Variants in KALRN observed in about 807,000 individuals in gnomAD.
KALRN encodes the protein kalirin.
Under a neutral mutation model 353.7 loss-of-function variants are expected in KALRN, and 70 were observed. The ratio of observed to expected loss-of-function variants is 0.20; its 90% CI spans 0.16 to 0.24. KALRN has a LOEUF of 0.24. Ranked by LOEUF, KALRN falls within the 10% of genes least tolerant of loss-of-function variation. The probability of loss-of-function intolerance (pLI) is 1.00; values close to 1 mark genes in which losing one functional copy is unlikely to be tolerated. For missense variants in KALRN, 2,791 were observed against 3,756.7 expected (o/e 0.74, Z 6.72); for synonymous variants, 1,391 against 1,434.8 (o/e 0.97, Z 0.69).
intron 51 of KALRN, among the ~76,000 whole-genome samples, chr3:124,687,078 G>A (rs993378476): frequency 4.6e-5 from 7 of 152,022 alleles, no homozygotes; most frequent in South Asian, 2.1e-4. Flanking sequence ...GCCTCCCAAA[G>A]TGCTGGGATT....
chr3:124,188,889 C>A (rs902157949), intron 1 of KALRN, among the ~76,000 whole-genome samples: 12 of 152,162 alleles, frequency 7.9e-5, no homozygotes, highest in African/African-American at 2.9e-4. Flanking sequence ...TGCAGAGGGG[C>A]CCAGGTAGAT....
intron 34 of KALRN, among the ~76,000 whole-genome samples, chr3:124,591,150 T>C (rs2075731017): frequency 6.6e-6 from 1 of 152,244 alleles, no homozygotes. Flanking sequence ...CAAGGGACTC[T>C]TCTGTCCCAA....
At chr3:124,540,063 C>T (rs1480459074) in intron 33 of KALRN, among the ~76,000 whole-genome samples, 1 of 151,954 alleles carries the variant, frequency 6.6e-6, no homozygotes, top group African/African-American at 2.4e-5. Context: ...GTGCCTGCCA[C>T]CACACCCGGC....
chr3:124,307,025 G>C (rs2077768060), intron 6 of KALRN, among the ~76,000 whole-genome samples: 1 of 151,552 alleles, frequency 6.6e-6, no homozygotes, highest in Admixed American at 6.6e-5. Flanking sequence ...AAAAGCAAGT[G>C]ACCCTTGATG....
intron 1 of KALRN, among the ~76,000 whole-genome samples, chr3:124,087,407 G>A (rs1024982296): frequency 2.1e-4 from 32 of 152,260 alleles, no homozygotes; most frequent in Middle Eastern, 3.4e-3. Context: ...TAGAGAGGAA[G>A]CTATTAATAA....
intron 1 of KALRN, among the ~76,000 whole-genome samples, chr3:124,075,235 C>T (rs1397147426): frequency 6.6e-6 from 1 of 152,188 alleles, no homozygotes; most frequent in Admixed American, 6.5e-5. Flanking sequence ...TGGGCAGCCT[C>T]GCCACAATTT....
At chr3:124,416,379 T>G (rs932999811) in intron 14 of KALRN, among the ~76,000 whole-genome samples, 5 of 152,186 alleles carry the variant, frequency 3.3e-5, no homozygotes, top group Non-Finnish European at 7.4e-5. Flanking sequence ...GAGGGCTGAG[T>G]GGGGTGAAAA....
chr3:124,515,952 A>G (rs1363370939), intron 33 of KALRN, among the ~76,000 whole-genome samples: 2 of 152,216 alleles, frequency 1.3e-5, no homozygotes, highest in African/African-American at 4.8e-5. Context: ...TAAGGGAGCA[A>G]GTGTTCAGTA....
intron 1 of KALRN, among the ~76,000 whole-genome samples, chr3:124,112,264 C>G (rs528844932): frequency 4.1e-4 from 60 of 145,128 alleles, no homozygotes; most frequent in African/African-American, 1.4e-3. Flanking sequence ...GATCATGCCA[C>G]TGCACTCTAG....
At chr3:124,101,740 G>T (rs1295777861) in intron 1 of KALRN, among the ~76,000 whole-genome samples, 1 of 152,012 alleles carries the variant, frequency 6.6e-6, no homozygotes, top group Non-Finnish European at 1.5e-5. Flanking sequence ...CCCTGTCTTT[G>T]ACTTGCTCTG....
At chr3:124,169,087 G>A (rs1027144734) in intron 1 of KALRN, among the ~76,000 whole-genome samples, 7 of 152,202 alleles carry the variant, frequency 4.6e-5, no homozygotes, top group Non-Finnish European at 7.3e-5. Context: ...GTGAGCCTCT[G>A]TTCACTCATG....
chr3:124,639,813 G>A (rs1038552754), intron 37 of KALRN, among the ~76,000 whole-genome samples: 1 of 152,188 alleles, frequency 6.6e-6, no homozygotes, highest in African/African-American at 2.4e-5. Context: ...AGTAAGCCCA[G>A]AATTAGAGCT....
chr3:124,489,094 G>A (rs965768337), intron 29 of KALRN, among the ~76,000 whole-genome samples: 1 of 152,126 alleles, frequency 6.6e-6, no homozygotes, highest in African/African-American at 2.4e-5. Flanking sequence ...ATCACCTGAG[G>A]TCAGGAGTTC....
intron 1 of KALRN, among the ~76,000 whole-genome samples, chr3:124,139,904 G>A (rs1304455021): frequency 6.6e-6 from 1 of 152,120 alleles, no homozygotes; most frequent in Non-Finnish European, 1.5e-5. Flanking sequence ...CTCTAACTCT[G>A]CCTTCACGGG....
At position 124,313,742 on chromosome 3, in the gene KALRN, T is replaced by C. The variant is rs535894475; in HGVS notation, c.1093-12238T>C. The stretch of plus-strand genomic sequence containing the variant: ...AGATTCTGATTTAACCGTACTGTGG[T>C]GACTCAGGAAATCTGTACCAGGCTG... On this transcript the variant is annotated intron_variant, in intron 6 of 59. Coordinates refer to ENST00000682506, the MANE Select transcript of KALRN (RefSeq NM_001388419.1). 2.0e-5 allele frequency among the ~76,000 whole-genome samples: 3 copies of C among 152,332 alleles called. No homozygotes were observed. In the East Asian group the frequency reaches 5.8e-4, roughly 29 times the overall value.
intron 14 of KALRN, among the ~76,000 whole-genome samples, chr3:124,422,419 A>G (rs1258978087): frequency 1.3e-5 from 2 of 152,044 alleles, no homozygotes; most frequent in Non-Finnish European, 2.9e-5. Context: ...AAGTACTGAG[A>G]CAGTCTTTTG....
chr3:124,591,202 A>G (rs1222445502), intron 34 of KALRN, among the ~76,000 whole-genome samples: 2 of 152,226 alleles, frequency 1.3e-5, no homozygotes, highest in African/African-American at 4.8e-5. Context: ...TCTCTCTCCC[A>G]GAGCAGCTTG....
At chr3:124,472,158 T>C (rs1466094019) in intron 25 of KALRN, among the ~76,000 whole-genome samples, 2 of 152,170 alleles carry the variant, frequency 1.3e-5, no homozygotes, top group African/African-American at 4.8e-5. Flanking sequence ...GATCAGATTT[T>C]AAATAAAATT....
chr3:124,384,863 G>T lies in KALRN; in HGVS notation c.1789G>T (p.Asp597Tyr). The change falls in exon 11 of 60, where the codon GAC (aspartate) becomes TAC (tyrosine). Residue 597 changes from aspartate (D) to tyrosine (Y), a missense_variant. Physicochemically the swap from Asp to Tyr is radical, Grantham distance 160. Transcript: ENST00000682506. ...CTGGCAGAATACGTACACCAATGCG[G>T]ACAAGCTCCTAGAAGCAGCAGAGCA... is the stretch of plus-strand genomic sequence containing the variant. ...EVAQNTYTNA[D>Y]KLLEAAEQLA... 4 of 1,605,742 alleles carry T rather than the reference G, an allele frequency of 2.5e-6. No homozygotes were observed.
Sources: allele counts gnomAD v4.1 joint callset (sites outside exome capture counted in the v4.1 genomes callset), GRCh38; gene constraint gnomAD v4.1.1; transcripts MANE v1.5; gene names NCBI Gene and HGNC (gene_info 2026-07-23, HGNC 2026-07-21).